The following CNTN5 variants were observed in gnomAD, a reference collection of about 807,000 sequenced individuals.
CNTN5 encodes the protein contactin 5.
Under a neutral mutation model 129.1 loss-of-function variants are expected in CNTN5, and 77 were observed. That is an observed-to-expected ratio of 0.60 (90% CI 0.50 to 0.72). CNTN5 has a LOEUF of 0.72. CNTN5 is among the 30% of genes least tolerant of loss of function. The pLI is 0.00. For missense variants in CNTN5, 1,478 were observed against 1,328.8 expected (o/e 1.11, Z -1.75); for synonymous variants, 509 against 465.6 (o/e 1.09, Z -1.20).
chr11:100,178,169 C>T (rs1325193216), intron 13 of CNTN5, among the ~76,000 whole-genome samples: 2 of 152,104 alleles, frequency 1.3e-5, no homozygotes, highest in African/African-American at 2.4e-5. Flanking sequence ...TTCTTGTGCT[C>T]TTCATTAGTA....
intron 1 of CNTN5, among the ~76,000 whole-genome samples, chr11:99,100,369 T>A (rs1866667984): frequency 6.6e-6 from 1 of 152,154 alleles, no homozygotes. Context: ...ATTCTTCAAC[T>A]TCTTGATCTA....
At chr11:100,152,749 G>T (rs1947111499) in intron 13 of CNTN5, among the ~76,000 whole-genome samples, 2 of 151,992 alleles carry the variant, frequency 1.3e-5, no homozygotes, top group Admixed American at 1.3e-4. Context: ...CATTATTAAT[G>T]ATTCTTTAAA....
chr11:100,247,110 G>T (rs1289807021), intron 16 of CNTN5, among the ~76,000 whole-genome samples: 1 of 152,196 alleles, frequency 6.6e-6, no homozygotes, highest in African/African-American at 2.4e-5. Flanking sequence ...AGGCAAGGCA[G>T]TCAGAGAAGT....
chr11:99,221,783 A>G (rs1860409325), intron 1 of CNTN5, among the ~76,000 whole-genome samples: 1 of 151,970 alleles, frequency 6.6e-6, no homozygotes, highest in Non-Finnish European at 1.5e-5. Flanking sequence ...AACACTTCGT[A>G]AACAATTAAG....
intron 3 of CNTN5, among the ~76,000 whole-genome samples, chr11:99,818,414 T>A (rs1946663778): frequency 6.6e-6 from 1 of 152,120 alleles, no homozygotes; most frequent in Admixed American, 6.6e-5. Flanking sequence ...TGCCACCACA[T>A]GTGGCTAACT....
At chr11:100,000,342 A>C (rs1939778882) in intron 8 of CNTN5, among the ~76,000 whole-genome samples, 1 of 152,204 alleles carries the variant, frequency 6.6e-6, no homozygotes, top group African/African-American at 2.4e-5. Flanking sequence ...AAGAGGCCAC[A>C]GGCCACATGC....
At chr11:100,036,389 A>T (rs150473884) in intron 9 of CNTN5, among the ~76,000 whole-genome samples, 7,929 of 151,750 alleles carry the variant, frequency 0.052, 626 homozygotes, top group African/African-American at 0.18. Context: ...TATATTTTGA[A>T]GTCAGGTAGC....
At chr11:100,007,248 T>C (rs1940252909) in intron 9 of CNTN5, among the ~76,000 whole-genome samples, 1 of 152,062 alleles carries the variant, frequency 6.6e-6, no homozygotes, top group Non-Finnish European at 1.5e-5. Flanking sequence ...AATTGGTAAA[T>C]GAGCATTGGC....
At chr11:100,246,161 C>T (rs921760891) in intron 16 of CNTN5, among the ~76,000 whole-genome samples, 7 of 151,980 alleles carry the variant, frequency 4.6e-5, no homozygotes, top group Non-Finnish European at 8.8e-5. Flanking sequence ...TTGATATTGT[C>T]AAAGTTACAG....
intron 7 of CNTN5, among the ~76,000 whole-genome samples, chr11:99,923,749 ATCTG>A (rs369958644): frequency 0.036 from 5,160 of 144,998 alleles, 174 homozygotes; most frequent in East Asian, 0.093. Context: ...TATCTAATCT[ATCTG>A]TCTGTCTATC....
intron 3 of CNTN5, among the ~76,000 whole-genome samples, chr11:99,665,055 A>AGT (rs895125821): frequency 6.6e-6 from 1 of 152,220 alleles, no homozygotes; most frequent in African/African-American, 2.4e-5. Flanking sequence ...TAAACCTTGA[A>AGT]GTGATACTTC....
intron 1 of CNTN5, among the ~76,000 whole-genome samples, chr11:99,167,887 A>T (rs1193124112): frequency 6.6e-6 from 1 of 152,108 alleles, no homozygotes; most frequent in Admixed American, 6.6e-5. Context: ...CATAAAATTT[A>T]AAAAATTAGA....
intron 3 of CNTN5, among the ~76,000 whole-genome samples, chr11:99,777,251 TA>T (rs1370154643): frequency 6.6e-6 from 1 of 151,874 alleles, no homozygotes; most frequent in Non-Finnish European, 1.5e-5. Context: ...ATGTATCTTT[TA>T]AAATAGCGCA....
chr11:100,247,292 TAGAC>T (rs1565369698), intron 16 of CNTN5, among the ~76,000 whole-genome samples: 1 of 151,894 alleles, frequency 6.6e-6, no homozygotes, highest in Admixed American at 6.6e-5. Context: ...AACAGATGAA[TAGAC>T]AGATAATAAA....
At chr11:99,747,460 C>CT (rs55790126) in intron 3 of CNTN5, among the ~76,000 whole-genome samples, 22,863 of 85,824 alleles carry the variant, frequency 0.27, 4,195 homozygotes, top group African/African-American at 0.42. Context: ...AGTCAGCATC[C>CT]TTTTTTTTTT....
At chr11:100,227,643 A>G (rs1949406662) in intron 16 of CNTN5, among the ~76,000 whole-genome samples, 1 of 152,210 alleles carries the variant, frequency 6.6e-6, no homozygotes, top group South Asian at 2.1e-4. Flanking sequence ...TCACAGCACC[A>G]TGCATAATCT....
chr11:99,052,969 C>T lies in CNTN5; in HGVS notation c.-210+31699C>T, dbSNP rs563977567. ...ACTTTATTAAAATTTGACTCTAGTA[C>T]ACAGTGAAATCTCAGCTCCAGAGCT... On this transcript the variant is annotated intron_variant, in intron 1 of 24. Transcript: ENST00000524871. Among the ~76,000 whole-genome samples the T allele has an allele frequency of 5.9e-5, 9 of 151,520 alleles. No individual in the cohort carries two copies. The South Asian group carries it at 1.9e-3, about 31-fold the overall frequency.
At chr11:100,030,089 G>A (rs1941629925) in intron 9 of CNTN5, among the ~76,000 whole-genome samples, 1 of 152,078 alleles carries the variant, frequency 6.6e-6, no homozygotes, top group Non-Finnish European at 1.5e-5. Flanking sequence ...TAAAGAACAT[G>A]GCTGTAGGTC....
chr11:99,313,094 C>A (rs1865185409), intron 1 of CNTN5, among the ~76,000 whole-genome samples: 1 of 150,658 alleles, frequency 6.6e-6, no homozygotes. Context: ...ACATCTCACG[C>A]AATCCAAGAT....
Sources: gnomAD v4.1 joint callset for allele counts (sites outside exome capture counted in the v4.1 genomes callset) on GRCh38, gnomAD v4.1.1 for gene constraint, MANE v1.5 for transcripts, NCBI Gene and HGNC (gene_info 2026-07-23, HGNC 2026-07-21) for gene names.